ZNF100: variants seen among roughly 807,000 people sequenced by gnomAD.
ZNF100 encodes the protein zinc finger protein 100 (Y1).
In ZNF100, 12 loss-of-function variants were observed where a neutral mutation model predicts 15.8. The ratio of observed to expected loss-of-function variants is 0.76; its 90% CI spans 0.49 to 1.23. The LOEUF is 1.23. Ranked by LOEUF, ZNF100 falls within the 50% of genes most tolerant of loss-of-function variation. The pLI is 0.00. For missense variants in ZNF100, 670 were observed against 635.6 expected, an observed-to-expected ratio of 1.05 and a Z score of -0.58; for synonymous variants, 226 against 214.8, an observed-to-expected ratio of 1.05 and a Z score of -0.45.
intron 2 of ZNF100, among the ~76,000 whole-genome samples, chr19:21,745,521 T>C (rs1317039274): frequency 2.6e-5 from 4 of 151,942 alleles, no homozygotes; most frequent in East Asian, 1.9e-4. Flanking sequence ...TTCTTTCTTT[T>C]TTTTTTTTTT....
intron 4 of ZNF100, among the ~76,000 whole-genome samples, chr19:21,728,493 C>T (rs929380512): frequency 2.6e-5 from 4 of 152,060 alleles, no homozygotes; most frequent in African/African-American, 9.7e-5. Context: ...AACAGAGAGA[C>T]TGCTGTACCA....
intron 3 of ZNF100, 22 bp downstream of exon 3, chr19:21,744,919 T>C (rs1405839736): frequency 1.3e-6 from 2 of 1,594,080 alleles, no homozygotes; most frequent in Admixed American, 1.9e-5. Flanking sequence ...TATTAGAAAT[T>C]GTGTATTAAA....
intron 2 of ZNF100, among the ~76,000 whole-genome samples, chr19:21,747,951 C>T (rs1164490287): frequency 6.8e-6 from 1 of 147,630 alleles, no homozygotes; most frequent in East Asian, 2.0e-4. Context: ...ATTACTTCTT[C>T]CTCTGTTTCT....
intron 2 of ZNF100, among the ~76,000 whole-genome samples, chr19:21,745,647 C>T (rs573499394): frequency 3.6e-4 from 54 of 151,996 alleles, no homozygotes; most frequent in Non-Finnish European, 5.3e-4. Flanking sequence ...CTCAGCCTCC[C>T]GAGTAGCTGG....
chr19:21,740,156 G>A (rs1273513377), intron 4 of ZNF100, among the ~76,000 whole-genome samples: 2 of 152,124 alleles, frequency 1.3e-5, no homozygotes, highest in East Asian at 3.8e-4. Context: ...AGAATAGAGA[G>A]TTCAGAAATG....
intron 2 of ZNF100, chr19:21,752,878 G>A (rs913241219): frequency 1.3e-5 from 2 of 152,186 alleles, no homozygotes; most frequent in African/African-American, 4.8e-5. Flanking sequence ...GTCCAGGCTG[G>A]AGTATGGTGG....
intron 4 of ZNF100, among the ~76,000 whole-genome samples, chr19:21,739,571 A>G (rs1490695502): frequency 6.6e-6 from 1 of 152,220 alleles, no homozygotes; most frequent in East Asian, 1.9e-4. Flanking sequence ...GACAACAACA[A>G]ATAAATTTAA....
At chr19:21,752,483 G>A (rs2036324835) in intron 2 of ZNF100, 2 of 152,622 alleles carry the variant, frequency 1.3e-5, no homozygotes, top group Non-Finnish European at 2.9e-5. Context: ...AAACCAAAAA[G>A]CTGATGGATA....
intron 2 of ZNF100, among the ~76,000 whole-genome samples, chr19:21,749,664 T>G (rs1468379351): frequency 6.6e-6 from 1 of 152,176 alleles, no homozygotes; most frequent in East Asian, 1.9e-4. Flanking sequence ...TCTCTCACTC[T>G]TAAGATGCTC....
intron 4 of ZNF100, among the ~76,000 whole-genome samples, chr19:21,734,628 A>G (rs1466884779): frequency 6.6e-6 from 1 of 152,214 alleles, no homozygotes; most frequent in Non-Finnish European, 1.5e-5. Flanking sequence ...AAGTTGGAAA[A>G]CATACTTCAG....
intron 4 of ZNF100, among the ~76,000 whole-genome samples, chr19:21,732,059 T>G (rs1167469971): frequency 6.6e-6 from 1 of 152,094 alleles, no homozygotes. Context: ...GAGACCAGCC[T>G]GGCCAACACA....
intron 4 of ZNF100, among the ~76,000 whole-genome samples, chr19:21,738,870 G>A: frequency 6.6e-6 from 1 of 152,070 alleles, no homozygotes; most frequent in South Asian, 2.1e-4. Flanking sequence ...GCATGAATCA[G>A]GGAGGTGGAA....
At position 21,726,647 on chromosome 19, in the gene ZNF100, A is replaced by G. The variant is rs1340551423; in HGVS notation, c.*36T>C. On this transcript the variant is annotated 3_prime_UTR_variant, in exon 5 of 5. Coordinates refer to ENST00000358296, the MANE Select transcript of ZNF100 (RefSeq NM_173531.4). ...AGTATGAATTTTTTTATGTTTAGTA[A>G]GAGTTGAGGACTGGTAAAAGGCTTT... 1.3e-6 allele frequency: 2 copies of G among 1,553,358 alleles called. No individual in the cohort carries two copies. The highest frequency in any genetic ancestry group is 2.0e-5 in the Admixed American group (1 of 50,502).
At chr19:21,752,089 G>A (rs10404622) in intron 2 of ZNF100, 30,877 of 201,244 alleles carry the variant, frequency 0.15, 2,789 homozygotes, top group Non-Finnish European at 0.19. Flanking sequence ...AAAAGAATGG[G>A]ACCTTGTCAA....
chr19:21,732,362 G>A (rs1384122818), intron 4 of ZNF100, among the ~76,000 whole-genome samples: 1 of 152,090 alleles, frequency 6.6e-6, no homozygotes, highest in Non-Finnish European at 1.5e-5. Flanking sequence ...AGCCAAGATT[G>A]AACGACCATT....
At chr19:21,754,498 C>T (rs2036361237) in intron 2 of ZNF100, among the ~76,000 whole-genome samples, 1 of 152,154 alleles carries the variant, frequency 6.6e-6, no homozygotes, top group African/African-American at 2.4e-5. Flanking sequence ...ACATTTACAA[C>T]CATCTGACCT....
In ZNF100 at chr19:21,725,215, G is replaced by A. The variant is rs962718114; in HGVS notation, c.*1468C>T. On this transcript the variant is annotated 3_prime_UTR_variant, in exon 5 of 5. Transcript: ENST00000358296. ...TTTTACGTACACCCTTGAGTAAGGT[G>A]GAATAGGTTAATGTCTGTGGCATAA... 3.9e-5 allele frequency: 6 copies of A among 152,046 alleles called. No individual in the cohort carries two copies. The highest frequency in any genetic ancestry group is 1.2e-4 in the African/African-American group (5 of 41,382). The allele number at this position is 152,046 out of a possible 1,614,324, so 9.4% of individuals were successfully genotyped here.
intron 2 of ZNF100, among the ~76,000 whole-genome samples, chr19:21,756,752 A>G (rs1245473266): frequency 6.6e-6 from 1 of 152,252 alleles, no homozygotes; most frequent in African/African-American, 2.4e-5. Context: ...TAAAATTTAT[A>G]TGGAACTAAA....
intron 1 of ZNF100, among the ~76,000 whole-genome samples, chr19:21,766,445 A>ATTT (rs35317866): frequency 6.8e-5 from 10 of 147,776 alleles, no homozygotes; most frequent in Admixed American, 1.3e-4. Flanking sequence ...ACTCAGGTGC[A>ATTT]TTTTTTTTTT....
Sources: allele counts gnomAD v4.1 joint callset (sites outside exome capture counted in the v4.1 genomes callset), GRCh38; gene constraint gnomAD v4.1.1; transcripts MANE v1.5; gene names NCBI Gene and HGNC (gene_info 2026-07-23, HGNC 2026-07-21).